The following PRKG1 variants were observed in gnomAD, a reference collection of about 807,000 sequenced individuals.
PRKG1 encodes the protein cGMP-dependent protein kinase 1.
In PRKG1, 35 loss-of-function variants were observed where a neutral mutation model predicts 88.1. The ratio of observed to expected loss-of-function variants is 0.40; its 90% CI spans 0.30 to 0.53. PRKG1 has a LOEUF of 0.53. Ranked by LOEUF, PRKG1 falls within the 20% of genes least tolerant of loss-of-function variation. The pLI is 0.59. For synonymous variants in PRKG1, 303 were observed against 292.5 expected (o/e 1.04, Z -0.37); for missense variants, 540 against 839.8 (o/e 0.64, Z 4.41).
intron 2 of PRKG1, among the ~76,000 whole-genome samples, chr10:51,465,259 TAA>T (rs149913397): frequency 1.3e-5 from 2 of 151,366 alleles, no homozygotes; most frequent in Non-Finnish European, 2.9e-5. Context: ...CCTCCTTCTT[TAA>T]AAAAAAACTC....
intron 2 of PRKG1, among the ~76,000 whole-genome samples, chr10:51,463,945 A>G (rs1839811104): frequency 6.6e-6 from 1 of 152,214 alleles, no homozygotes; most frequent in African/African-American, 2.4e-5. Flanking sequence ...TGTTTTGTTT[A>G]TCATTTATGT....
chr10:52,224,885 T>G (rs891828778), intron 9 of PRKG1, among the ~76,000 whole-genome samples: 1 of 148,340 alleles, frequency 6.7e-6, no homozygotes, highest in Non-Finnish European at 1.5e-5. Context: ...ACTCATTGAT[T>G]GATGGGCATT....
intron 2 of PRKG1, among the ~76,000 whole-genome samples, chr10:51,415,848 G>A (rs1490119030): frequency 6.6e-6 from 1 of 151,926 alleles, no homozygotes; most frequent in African/African-American, 2.4e-5. Flanking sequence ...TCCTTAGTAG[G>A]TCTTTGGGTT....
rs570184474 is a variant in PRKG1, at chr10:51,440,455, T to C, written c.479-27268T>C. On this transcript the variant is annotated intron_variant, in intron 2 of 17. Coordinates refer to ENST00000373980, the MANE Select transcript of PRKG1 (RefSeq NM_006258.4). ...TCGAAAAATTTAAAAATCACAATTC[T>C]TTTGTCTTGGGAACTATTAAAATTA... Among the ~76,000 whole-genome samples, 6 of 152,038 alleles carry C rather than the reference T, an allele frequency of 3.9e-5. No individual in the cohort carries two copies. The South Asian group carries it at 1.2e-3, about 32-fold the overall frequency.
chr10:51,875,432 T>C (rs1335630698), intron 4 of PRKG1, among the ~76,000 whole-genome samples: 2 of 151,964 alleles, frequency 1.3e-5, no homozygotes, highest in Non-Finnish European at 2.9e-5. Flanking sequence ...AATTGATTGA[T>C]TGGTTGGTTG....
At chr10:51,886,891 A>G (rs961986508) in intron 4 of PRKG1, among the ~76,000 whole-genome samples, 1 of 152,184 alleles carries the variant, frequency 6.6e-6, no homozygotes, top group African/African-American at 2.4e-5. Flanking sequence ...CTTATCTGCA[A>G]GCTCACATCT....
intron 2 of PRKG1, among the ~76,000 whole-genome samples, chr10:51,338,738 A>T (rs1248130839): frequency 1.3e-5 from 2 of 152,166 alleles, no homozygotes; most frequent in African/African-American, 2.4e-5. Flanking sequence ...GATCTTTGGG[A>T]TGTCTGATTA....
intron 3 of PRKG1, among the ~76,000 whole-genome samples, chr10:51,583,475 A>C (rs1305974823): frequency 6.6e-6 from 1 of 152,128 alleles, no homozygotes; most frequent in Non-Finnish European, 1.5e-5. Flanking sequence ...TGTTTCCTTC[A>C]TTCCTGTTTT....
rs533564972 is a variant in PRKG1, at chr10:51,727,342, T to A, written c.593-77243T>A. On this transcript the variant is annotated intron_variant, in intron 3 of 17. Coordinates refer to ENST00000373980, the MANE Select transcript of PRKG1 (RefSeq NM_006258.4). Reference sequence around the variant, plus strand: ...CAGAGTTATATTTTTGGAATTTTGATGTCTTGGGACTTCAGCATTCAGGAT... The same window carrying A: ...CAGAGTTATATTTTTGGAATTTTGAAGTCTTGGGACTTCAGCATTCAGGAT... 4.0e-5 allele frequency among the ~76,000 whole-genome samples: 6 copies of A among 151,826 alleles called. No individual in the cohort carries two copies. The East Asian group carries it at 1.2e-3, about 29-fold the overall frequency.
intron 4 of PRKG1, among the ~76,000 whole-genome samples, chr10:51,891,874 C>A (rs1467034140): frequency 1.3e-5 from 2 of 152,092 alleles, no homozygotes; most frequent in Non-Finnish European, 2.9e-5. Context: ...CAGTTAATCA[C>A]AATACAAGAA....
intron 2 of PRKG1, among the ~76,000 whole-genome samples, chr10:51,413,222 G>T (rs932310911): frequency 2.0e-5 from 3 of 152,042 alleles, no homozygotes; most frequent in Non-Finnish European, 4.4e-5. Flanking sequence ...TGTTTGACTG[G>T]TTTTTTATTG....
intron 4 of PRKG1, among the ~76,000 whole-genome samples, chr10:51,863,866 C>T (rs1004779009): frequency 1.3e-5 from 2 of 152,172 alleles, no homozygotes; most frequent in African/African-American, 4.8e-5. Context: ...CAACTCTGTC[C>T]TTCAGCTCTG....
At chr10:51,768,711 T>C (rs1002007588) in intron 3 of PRKG1, among the ~76,000 whole-genome samples, 1 of 152,194 alleles carries the variant, frequency 6.6e-6, no homozygotes, top group East Asian at 1.9e-4. Context: ...GAAAAAGGAA[T>C]GGGGGCTGAG....
intron 4 of PRKG1, among the ~76,000 whole-genome samples, chr10:51,851,169 T>A (rs897200941): frequency 1.3e-5 from 2 of 152,172 alleles, no homozygotes; most frequent in Admixed American, 6.5e-5. Context: ...TGCTACCTTT[T>A]GAATAAGAGG....
intron 2 of PRKG1, among the ~76,000 whole-genome samples, chr10:51,215,269 A>G (rs918470245): frequency 6.6e-6 from 1 of 152,222 alleles, no homozygotes; most frequent in African/African-American, 2.4e-5. Flanking sequence ...CTTATTTTTA[A>G]TAATTGAAAA....
chr10:52,042,157 A>T (rs148815820), intron 5 of PRKG1, among the ~76,000 whole-genome samples: 20 of 152,282 alleles, frequency 1.3e-4, no homozygotes, highest in African/African-American at 4.6e-4. Flanking sequence ...ACCCAAAGTG[A>T]TATGCAGATT....
intron 4 of PRKG1, among the ~76,000 whole-genome samples, chr10:51,846,796 T>C (rs184871107): frequency 2.9e-4 from 44 of 152,318 alleles, no homozygotes; most frequent in African/African-American, 1.0e-3. Context: ...TCATTTTTTT[T>C]CAGCAGGTTA....
At chr10:51,118,898 G>A (rs1049260624) in intron 1 of PRKG1, among the ~76,000 whole-genome samples, 1 of 152,202 alleles carries the variant, frequency 6.6e-6, no homozygotes, top group East Asian at 1.9e-4. Flanking sequence ...GGTTCTGAAT[G>A]TTAAGCTTCA....
intron 5 of PRKG1, among the ~76,000 whole-genome samples, chr10:51,945,969 G>C (rs1295362905): frequency 6.7e-6 from 1 of 150,236 alleles, no homozygotes. Flanking sequence ...TCTTTGTGGC[G>C]TTCTCTGTAT....
Sources: allele counts gnomAD v4.1 joint callset (sites outside exome capture counted in the v4.1 genomes callset), GRCh38; gene constraint gnomAD v4.1.1; transcripts MANE v1.5; gene names NCBI Gene and HGNC (gene_info 2026-07-23, HGNC 2026-07-21).